The following LTA4H variants were observed in gnomAD, a reference collection of about 807,000 sequenced individuals.
LTA4H encodes the protein leukotriene A4 hydrolase.
In LTA4H, 59 loss-of-function variants were observed where a neutral mutation model predicts 89.8. The ratio of observed to expected loss-of-function variants is 0.66; its 90% CI spans 0.53 to 0.82. The LOEUF (loss-of-function observed/expected upper bound fraction) is 0.82, where lower values mean the gene tolerates loss of function less well. Among genes scored for constraint, LTA4H ranks in the 40% least tolerant of loss-of-function variants. The pLI is 0.00. For synonymous variants in LTA4H, 227 were observed against 253.1 expected, an observed-to-expected ratio of 0.90 and a Z score of 0.98; for missense variants, 617 against 727.0, an observed-to-expected ratio of 0.85 and a Z score of 1.74.
intron 2 of LTA4H, among the ~76,000 whole-genome samples, chr12:96,028,512 A>C (rs1023071664): frequency 6.6e-6 from 1 of 152,122 alleles, no homozygotes; most frequent in Non-Finnish European, 1.5e-5. Flanking sequence ...TCTGGTTGCC[A>C]CTTTCTTGAA....
intron 12 of LTA4H, 90 bp from the exon 13 acceptor site, chr12:96,013,943 G>A (rs1950341195): frequency 1.6e-6 from 1 of 610,300 alleles, no homozygotes. Flanking sequence ...ATTAACCACA[G>A]AGAACAGAGA....
Position 96,035,305 on chromosome 12 carries a change from G to T in LTA4H, c.159+56C>A. ...AGATCCGGGAGCCCGCAAGGACTAG[G>T]GTCGAGGGGCAGGGAGCCCGGGAGA... On this transcript the variant is annotated intron_variant, in intron 1 of 18. Coordinates refer to ENST00000228740, the MANE Select transcript of LTA4H (RefSeq NM_000895.3). The T allele has an allele frequency of 8.4e-6, 13 of 1,547,776 alleles. 1 individual carries two copies. In the South Asian group the frequency reaches 1.4e-4, roughly 17 times the overall value.
rs781403066 is a variant in LTA4H, at chr12:96,003,873, G to A, written c.1578C>T (p.Asn526=). 3.1e-6 allele frequency: 5 copies of A among 1,610,692 alleles called. No homozygotes were observed. The South Asian group carries it at 4.4e-5, about 14-fold the overall frequency. ...GHIKRMQEVY[N]FNAINNSEIR... ...TTTCAGAATTGTTAATGGCATTGAAGTTGTACACCTCTTGCATTCGCTTTA... is the reference window on the plus strand; with the variant it reads ...TTTCAGAATTGTTAATGGCATTGAAATTGTACACCTCTTGCATTCGCTTTA... The change falls in exon 17 of 19, where the codon AAC becomes AAT. Residue 526 remains asparagine (N), a synonymous_variant. Transcript: ENST00000228740.
chr12:96,036,007 T>C (rs777211194), upstream of LTA4H, among the ~76,000 whole-genome samples: 5 of 152,188 alleles, frequency 3.3e-5, no homozygotes, highest in Non-Finnish European at 5.9e-5. Context: ...TCAGAAGGCT[T>C]TCTTTCGTGC....
chr12:96,004,630 T>C (rs1398907852), intron 16 of LTA4H, among the ~76,000 whole-genome samples: 3 of 152,148 alleles, frequency 2.0e-5, no homozygotes, highest in African/African-American at 7.2e-5. Flanking sequence ...GAGGCAGAGG[T>C]GCCTCTAGGT....
chr12:96,005,757 A>AT (rs5800240), intron 16 of LTA4H, among the ~76,000 whole-genome samples: 1 of 151,882 alleles, frequency 6.6e-6, no homozygotes, highest in South Asian at 2.1e-4. Context: ...TTTTAAAAAA[A>AT]TTTTTTTATG....
intron 13 of LTA4H, 117 bp from the exon 14 acceptor site, chr12:96,013,375 T>A: frequency 1.6e-6 from 1 of 615,334 alleles, no homozygotes; most frequent in Non-Finnish European, 2.9e-6. Flanking sequence ...TCAAGATAAT[T>A]TCTAAATCTT....
chr12:96,028,787 T>C (rs981635323), intron 2 of LTA4H, among the ~76,000 whole-genome samples: 4 of 152,168 alleles, frequency 2.6e-5, no homozygotes. Context: ...ACCATCACTC[T>C]AGATATTAGT....
At position 96,023,000 on chromosome 12, in the gene LTA4H, C is replaced by T. The variant is rs576759456; in HGVS notation, c.481-749G>A. On this transcript the variant is annotated intron_variant, in intron 4 of 18. Coordinates refer to ENST00000228740, the MANE Select transcript of LTA4H (RefSeq NM_000895.3). The surrounding 1 kb of genome is among the most constrained non-coding windows in gnomAD (Gnocchi z 4.0). Reference sequence around the variant, plus strand: ...CTGTCAAATAATTTTCTCTGGAAATCCATACGGAAAAGACCCTTATGCGGC... The same window carrying T: ...CTGTCAAATAATTTTCTCTGGAAATTCATACGGAAAAGACCCTTATGCGGC... Among the ~76,000 whole-genome samples, 7 of 152,266 alleles carry T rather than the reference C, an allele frequency of 4.6e-5. No homozygotes were observed. Among genetic ancestry groups the T allele is most frequent in the African/African-American group, 1.7e-4 (7 of 41,540 alleles).
intron 8 of LTA4H, among the ~76,000 whole-genome samples, chr12:96,017,840 TG>T (rs1398282507): frequency 6.6e-6 from 1 of 152,248 alleles, no homozygotes; most frequent in Non-Finnish European, 1.5e-5. Flanking sequence ...CTAACTTCCA[TG>T]AAACATTTCT....
intron 6 of LTA4H, among the ~76,000 whole-genome samples, chr12:96,019,996 TG>T (rs897350132): frequency 2.0e-5 from 3 of 150,930 alleles, no homozygotes; most frequent in African/African-American, 7.3e-5. Context: ...CTCCACCTCC[TG>T]GGCTCAAGCA....
Position 96,013,615 on chromosome 12 carries a change from G to GA in LTA4H, c.1308+134dup, listed in dbSNP as rs1950335899. 6 of 605,876 alleles carry GA rather than the reference G, an allele frequency of 9.9e-6. No individual in the cohort carries two copies. The East Asian group carries it at 1.5e-4, about 15-fold the overall frequency. 37.5% of individuals were successfully genotyped at this position (605,876 alleles called of 1,614,324 possible). On this transcript the variant is annotated intron_variant, in intron 13 of 18. Transcript: ENST00000228740. ...TGTGGTTAAGATCACATTTAAAATA[G>GA]AAAAAATATGCAATGAGAGGTTGAG... is the stretch of plus-strand genomic sequence containing the variant.
At chr12:96,035,954 A>C (rs544294321), upstream of LTA4H, among the ~76,000 whole-genome samples, 2 of 152,292 alleles carry the variant, frequency 1.3e-5, no homozygotes, top group African/African-American at 4.8e-5. Context: ...TGGTGTTTGC[A>C]TATAGCGAGG....
chr12:96,007,733 A>AG, intron 15 of LTA4H, among the ~76,000 whole-genome samples: 1 of 152,372 alleles, frequency 6.6e-6, no homozygotes, highest in East Asian at 1.9e-4. Flanking sequence ...ATATTTGAGC[A>AG]GAAATTAGTA....
chr12:96,037,691 G>GT (rs1566021031), upstream of LTA4H, among the ~76,000 whole-genome samples: 10 of 136,632 alleles, frequency 7.3e-5, no homozygotes, highest in African/African-American at 2.5e-4. Flanking sequence ...CATTGAGAAA[G>GT]CTTTTTTTTT....
chr12:96,021,106 A>G lies in LTA4H; in HGVS notation c.617T>C (p.Val206Ala). Reference protein sequence around the residue: ...VPIPCYLIALVVGALESRQIG... With the variant: ...VPIPCYLIALAVGALESRQIG... ...TCACCTGCTTTCTAAAGCTCCAACA[A>G]CTAAAGCAATCAGGTAGCAGGGTAT... The change falls in exon 6 of 19, where the codon GTT becomes GCT. Residue 206 changes from valine to alanine, a missense_variant. Val to Ala is a moderately conservative substitution (Grantham distance 64). Coordinates refer to ENST00000228740, the MANE Select transcript of LTA4H (RefSeq NM_000895.3). The G allele has an allele frequency of 6.2e-7, 1 of 1,602,028 alleles. No homozygotes were observed. The highest frequency in any genetic ancestry group is 8.5e-7 in the Non-Finnish European group (1 of 1,176,424).
intron 1 of LTA4H, among the ~76,000 whole-genome samples, chr12:96,033,771 T>C (rs888361334): frequency 2.0e-5 from 3 of 152,178 alleles, no homozygotes; most frequent in African/African-American, 7.2e-5. Flanking sequence ...TGTGTTCTCA[T>C]TGTTCAACTC....
upstream of LTA4H, among the ~76,000 whole-genome samples, chr12:96,039,167 T>C (rs1371026116): frequency 6.6e-6 from 1 of 152,072 alleles, no homozygotes; most frequent in Non-Finnish European, 1.5e-5. Context: ...AGCAGATTGC[T>C]TGAGCCCAGG....
At chr12:96,008,755 A>G (rs1409550712) in intron 15 of LTA4H, among the ~76,000 whole-genome samples, 1 of 152,038 alleles carries the variant, frequency 6.6e-6, no homozygotes, top group Non-Finnish European at 1.5e-5. Flanking sequence ...CCCTGTTTGT[A>G]TAAAAAGTTT....
Sources: gnomAD v4.1 joint callset for allele counts (sites outside exome capture counted in the v4.1 genomes callset) on GRCh38, gnomAD v4.1.1 for gene constraint, Gnocchi (gnomAD v3.1) non-coding constraint, MANE v1.5 for transcripts, NCBI Gene and HGNC (gene_info 2026-07-23, HGNC 2026-07-21) for gene names.